OSBPL6: variants seen among roughly 807,000 people sequenced by gnomAD.
OSBPL6 encodes oxysterol binding protein like 6.
OSBPL6 carries 49 observed loss-of-function variants against 125.8 expected under a neutral mutation model. The observed-to-expected ratio is 0.39, with a 90% confidence interval of 0.31 to 0.49. The LOEUF is 0.49. Among genes scored for constraint, OSBPL6 ranks in the 20% least tolerant of loss-of-function variants. The pLI is 0.88. For synonymous variants in OSBPL6, 394 were observed against 391.8 expected (o/e 1.01, Z -0.07); for missense variants, 986 against 1,135.4 (o/e 0.87, Z 1.89).
chr2:178,246,695 A>T (rs2091503282), intron 1 of OSBPL6, among the ~76,000 whole-genome samples: 1 of 152,212 alleles, frequency 6.6e-6, no homozygotes, highest in Non-Finnish European at 1.5e-5. Context: ...ATATAAGGTC[A>T]TCAGGAAACC....
In OSBPL6 at chr2:178,324,217, A is replaced by G; in HGVS notation, c.143A>G (p.Glu48Gly). The change falls in exon 4 of 25, where the codon GAG (glutamate) becomes GGG (glycine). Residue 48 changes from glutamate (E) to glycine (G), a missense_variant. Around this residue, in one of 3 missense-constraint regions of OSBPL6, gnomAD observed 130 missense variants for 106.4 expected, o/e 1.22. Coordinates refer to ENST00000190611, the MANE Select transcript of OSBPL6 (RefSeq NM_032523.4). ...GAGAGGACTGCTTCCTCTAGCACCG[A>G]GCCCTCTGTAAGTCGGCAATTGCTA... is the stretch of plus-strand genomic sequence containing the variant. Reference protein sequence around the residue: ...ILERTASSSTEPSVSRQLLEP... With the variant: ...ILERTASSSTGPSVSRQLLEP... 1 of 1,584,010 alleles carries G rather than the reference A, an allele frequency of 6.3e-7. No homozygotes were observed. The highest frequency in any genetic ancestry group is 1.7e-4 in the Middle Eastern group (1 of 6,002).
rs1159403940 is a variant in OSBPL6, at chr2:178,396,082, C to G, written c.*523C>G. 4.7e-6 allele frequency: 1 copy of G among 212,738 alleles called. No homozygotes were observed. Among genetic ancestry groups the G allele is most frequent in the Non-Finnish European group, 9.8e-6 (1 of 102,384 alleles). The allele number at this position is 212,738 out of a possible 1,614,324, so 13.2% of individuals were successfully genotyped here. A position where few individuals can be genotyped will look rare whatever the true frequency, so the allele number is the denominator to read the frequency against. On this transcript the variant is annotated 3_prime_UTR_variant, in exon 25 of 25. Transcript: ENST00000190611. ...AAAAAGATGTGATGCTTCTCAGAAC[C>G]TGTTCCATCTGTATGCCATTGTTCA...
At chr2:178,321,388 A>G (rs1013876906) in intron 3 of OSBPL6, among the ~76,000 whole-genome samples, 1 of 152,150 alleles carries the variant, frequency 6.6e-6, no homozygotes. Context: ...GGGTATGGTC[A>G]GTTTAAACTG....
chr2:178,382,964 T>C (rs756779924), intron 16 of OSBPL6, 60 bp from the exon 17 acceptor site: 8 of 1,578,836 alleles, frequency 5.1e-6, no homozygotes, highest in Non-Finnish European at 6.9e-6. Context: ...TTATTTCCCT[T>C]CTTGATTTTG....
Position 178,275,972 on chromosome 2 carries a change from CTT to C in OSBPL6, c.-350-8953_-350-8952del, listed in dbSNP as rs905489840. ...ACAAGGTCACAGAGCTAGTAAGTCA[CTT>C]TCAATGGTAAATTAGCAGTAGCATT... On this transcript the variant is annotated intron_variant, in intron 1 of 24. Transcript: ENST00000190611. 2.7e-4 allele frequency among the ~76,000 whole-genome samples: 41 copies of C among 152,320 alleles called. 1 individual carries two copies. The East Asian group carries it at 4.2e-3, about 16-fold the overall frequency.
intron 2 of OSBPL6, among the ~76,000 whole-genome samples, chr2:178,304,877 G>T (rs13389458): frequency 7.2e-5 from 11 of 152,118 alleles, no homozygotes; most frequent in Non-Finnish European, 1.5e-5. Flanking sequence ...TTAGTAAACC[G>T]CTCATTCTTT....
intron 1 of OSBPL6, among the ~76,000 whole-genome samples, chr2:178,210,130 C>CTGCCTCAGTGTCCTGAGTAGCTGGG (rs1559118692): frequency 6.6e-6 from 1 of 151,752 alleles, no homozygotes; most frequent in Non-Finnish European, 1.5e-5. Context: ...AGAGATTCTC[C>CTGCCTCAGTGTCCTGAGTAGCTGGG]TGCCTCAGCG....
intron 4 of OSBPL6, among the ~76,000 whole-genome samples, chr2:178,324,653 C>T (rs1341553522): frequency 6.6e-6 from 1 of 152,138 alleles, no homozygotes; most frequent in African/African-American, 2.4e-5. Flanking sequence ...ACTGCATCAC[C>T]GGACACTATG....
At chr2:178,206,194 G>C (rs1257837266) in intron 1 of OSBPL6, among the ~76,000 whole-genome samples, 3 of 152,148 alleles carry the variant, frequency 2.0e-5, no homozygotes, top group African/African-American at 7.2e-5. Context: ...TTTTCCAACA[G>C]GTAGAATGAA....
intron 14 of OSBPL6, among the ~76,000 whole-genome samples, chr2:178,372,610 A>C (rs1018624439): frequency 6.6e-6 from 1 of 152,172 alleles, no homozygotes; most frequent in Non-Finnish European, 1.5e-5. Context: ...TTGCCAAGTA[A>C]AAATGTTATT....
chr2:178,253,335 A>G (rs1414951498), intron 1 of OSBPL6, among the ~76,000 whole-genome samples: 1 of 152,110 alleles, frequency 6.6e-6, no homozygotes, highest in Non-Finnish European at 1.5e-5. Flanking sequence ...ACCACTGTAT[A>G]TGAGCAGAAG....
intron 1 of OSBPL6, among the ~76,000 whole-genome samples, chr2:178,273,540 A>G (rs1387273065): frequency 5.9e-5 from 9 of 152,098 alleles, no homozygotes. Context: ...AGATTGGGCC[A>G]CTGCACTCCA....
In OSBPL6 at chr2:178,341,205, TG is replaced by T. The variant is rs200630662; in HGVS notation, c.987+1442del. Among the ~76,000 whole-genome samples, 1,428 of 152,308 alleles carry T rather than the reference TG, an allele frequency of 9.4e-3. 22 individuals are homozygous for T. The highest frequency in any genetic ancestry group is 0.033 in the African/African-American group (1,367 of 41,570). On this transcript the variant is annotated intron_variant, in intron 11 of 24. Transcript: ENST00000190611. ...TATTGTTTTAATCTTGTGTCTGTAG[TG>T]TATGCTATTGACCACATTCTTGTTC... is the stretch of plus-strand genomic sequence containing the variant.
intron 11 of OSBPL6, chr2:178,344,286 G>A: frequency 6.2e-7 from 1 of 1,613,920 alleles, no homozygotes; most frequent in South Asian, 1.1e-5. Flanking sequence ...TCACCGTCAG[G>A]AAGGGCCACC....
Position 178,384,191 on chromosome 2 carries a change from A to T in OSBPL6, c.2013+15A>T, listed in dbSNP as rs1559322231. The stretch of plus-strand genomic sequence containing the variant: ...TCTCAGAACAGGTAAGCGCCACTGG[A>T]CTCAGTGAGGTTTCTATATAGGTAA... On this transcript the variant is annotated intron_variant, in intron 18 of 24. Coordinates refer to ENST00000190611, the MANE Select transcript of OSBPL6 (RefSeq NM_032523.4). The T allele has an allele frequency of 6.2e-7, 1 of 1,610,594 alleles. No homozygotes were observed. Among genetic ancestry groups the T allele is most frequent in the Non-Finnish European group, 8.5e-7 (1 of 1,177,258 alleles).
intron 3 of OSBPL6, among the ~76,000 whole-genome samples, chr2:178,309,618 C>G (rs1185252738): frequency 6.6e-6 from 1 of 152,166 alleles, no homozygotes; most frequent in Non-Finnish European, 1.5e-5. Context: ...TGTTTCTTCA[C>G]CAATGATAGC....
chr2:178,361,562 C>G (rs922799973), intron 12 of OSBPL6, 120 bp from the exon 13 acceptor site: 3 of 1,143,574 alleles, frequency 2.6e-6, no homozygotes, highest in Non-Finnish European at 3.7e-6. Context: ...TTTAATTAGA[C>G]TATTACATAG....
chr2:178,301,631 A>G (rs1269848031), intron 2 of OSBPL6, among the ~76,000 whole-genome samples: 2 of 152,184 alleles, frequency 1.3e-5, no homozygotes, highest in African/African-American at 2.4e-5. Flanking sequence ...CATTATACCC[A>G]AATATCTACT....
intron 1 of OSBPL6, among the ~76,000 whole-genome samples, chr2:178,200,320 C>G (rs1371548399): frequency 1.4e-5 from 2 of 144,056 alleles, no homozygotes; most frequent in Non-Finnish European, 3.0e-5. Flanking sequence ...GGTGCAATCT[C>G]GGCTCACTGC....
Sources: gnomAD v4.1 joint callset for allele counts (sites outside exome capture counted in the v4.1 genomes callset) on GRCh38, gnomAD v4.1.1 for gene constraint, gnomAD v4.1.1 regional missense constraint, MANE v1.5 for transcripts, NCBI Gene and HGNC (gene_info 2026-07-23, HGNC 2026-07-21) for gene names.